The following PAPOLA variants were observed in gnomAD, a reference collection of about 807,000 sequenced individuals.
PAPOLA encodes poly(A) polymerase alpha.
PAPOLA carries 15 observed loss-of-function variants against 100.6 expected under a neutral mutation model. That is an observed-to-expected ratio of 0.15 (90% CI 0.10 to 0.23). The LOEUF is 0.23. PAPOLA is among the 10% of genes least tolerant of loss of function. The pLI is 1.00. For missense variants in PAPOLA, 533 were observed against 884.2 expected (o/e 0.60, Z 5.04); for synonymous variants, 293 against 300.0 (o/e 0.98, Z 0.24).
intron 15 of PAPOLA, among the ~76,000 whole-genome samples, chr14:96,546,889 G>A (rs147672174): frequency 3.3e-5 from 5 of 151,976 alleles, no homozygotes; most frequent in African/African-American, 4.8e-5. Flanking sequence ...GCTGCTTAGG[G>A]CATTTTGTTC....
chr14:96,529,346 A>G (rs1898784262), intron 6 of PAPOLA, among the ~76,000 whole-genome samples: 1 of 151,844 alleles, frequency 6.6e-6, no homozygotes, highest in Non-Finnish European at 1.5e-5. Context: ...ACAAGTACTT[A>G]TTTGTGTAAC....
At chr14:96,519,042 G>A (rs184754539) in intron 1 of PAPOLA, among the ~76,000 whole-genome samples, 1 of 152,182 alleles carries the variant, frequency 6.6e-6, no homozygotes, top group East Asian at 1.9e-4. Flanking sequence ...GGGTGACAGA[G>A]CGAGACTCCA....
chr14:96,556,207 A>G lies in PAPOLA; in HGVS notation c.1798A>G (p.Thr600Ala), dbSNP rs779299294. The G allele has an allele frequency of 5.0e-6, 8 of 1,614,174 alleles. No homozygotes were observed. The South Asian group carries it at 6.6e-5, about 13-fold the overall frequency. ...GAGTGAAAGCATTCCTCAAACTGCC[A>G]CACAACCAGCCATTTCTCCACCACC... Reference protein sequence around the residue: ...TSSESIPQTATQPAISPPPKP... With the variant: ...TSSESIPQTAAQPAISPPPKP... Residue 600 changes from threonine (T) to alanine (A), a missense_variant, in exon 19 of 22, where the codon ACA becomes GCA. Physicochemically the swap from Thr to Ala is moderately conservative, Grantham distance 58. Coordinates refer to ENST00000216277, the MANE Select transcript of PAPOLA (RefSeq NM_032632.5).
At chr14:96,504,033 A>G (rs938930325) in intron 1 of PAPOLA, among the ~76,000 whole-genome samples, 3 of 152,194 alleles carry the variant, frequency 2.0e-5, no homozygotes, top group Non-Finnish European at 2.9e-5. Flanking sequence ...GTTTCTGTTT[A>G]TTGATTTTTC....
At chr14:96,517,004 A>G (rs908579704) in intron 1 of PAPOLA, among the ~76,000 whole-genome samples, 4 of 152,168 alleles carry the variant, frequency 2.6e-5, no homozygotes, top group Admixed American at 6.5e-5. Context: ...TAATGATCCA[A>G]ACTGAACTGG....
At chr14:96,533,044 C>G (rs202062242) in intron 9 of PAPOLA, 1 of 967,662 alleles carries the variant, frequency 1.0e-6, no homozygotes, top group Non-Finnish European at 1.2e-6. Flanking sequence ...TTTTTTTTTT[C>G]TTTTTGCTTT....
At chr14:96,525,522 A>C in intron 4 of PAPOLA, 131 bp downstream of exon 4, 1 of 501,930 alleles carries the variant, frequency 2.0e-6, no homozygotes. Context: ...AGGAGTCTAA[A>C]TTTTTCAGTA....
chr14:96,559,594 TATAC>T (rs1566868295), intron 19 of PAPOLA, among the ~76,000 whole-genome samples: 1 of 147,774 alleles, frequency 6.8e-6, no homozygotes, highest in Non-Finnish European at 1.5e-5. Flanking sequence ...TATATATATA[TATAC>T]ACACACACAT....
chr14:96,502,394 T>C lies in PAPOLA; in HGVS notation c.-199T>C, dbSNP rs1351048633. 2.9e-6 allele frequency: 2 copies of C among 697,400 alleles called. No homozygotes were observed. Among genetic ancestry groups the C allele is most frequent in the Non-Finnish European group, 5.2e-6 (2 of 382,534 alleles). The allele number at this position is 697,400 out of a possible 1,614,324, so 43.2% of individuals were successfully genotyped here. A position where few individuals can be genotyped will look rare whatever the true frequency, so the allele number is the denominator to read the frequency against. On this transcript the variant is annotated 5_prime_UTR_variant, in exon 1 of 22. Coordinates refer to ENST00000216277, the MANE Select transcript of PAPOLA (RefSeq NM_032632.5). ...CGTCAGCAGTTCTAGAACGTTGCTGTGGTAGCGCTCGGGCGCCATGTTAGG... is the reference window on the plus strand; with the variant it reads ...CGTCAGCAGTTCTAGAACGTTGCTGCGGTAGCGCTCGGGCGCCATGTTAGG...
chr14:96,551,362 G>C (rs893008763), intron 16 of PAPOLA, among the ~76,000 whole-genome samples: 1 of 152,104 alleles, frequency 6.6e-6, no homozygotes, highest in Non-Finnish European at 1.5e-5. Flanking sequence ...GAATAGAAGA[G>C]ATACTCATTT....
At chr14:96,512,950 C>T (rs1897203324) in intron 1 of PAPOLA, among the ~76,000 whole-genome samples, 1 of 152,228 alleles carries the variant, frequency 6.6e-6, no homozygotes, top group Non-Finnish European at 1.5e-5. Context: ...ATAGACACTG[C>T]TCATTTCAAG....
At chr14:96,507,319 G>T (rs1471036957) in intron 1 of PAPOLA, among the ~76,000 whole-genome samples, 1 of 98,830 alleles carries the variant, frequency 1.0e-5, no homozygotes, top group Non-Finnish European at 1.8e-5. Context: ...ACGGAGTCTC[G>T]TTCTGTCGCC....
chr14:96,551,425 C>T (rs1900839359), intron 16 of PAPOLA, among the ~76,000 whole-genome samples: 1 of 152,168 alleles, frequency 6.6e-6, no homozygotes, highest in African/African-American at 2.4e-5. Context: ...AATGGCATTA[C>T]TCTCTCTTCC....
chr14:96,520,268 T>C (rs1897838841), intron 2 of PAPOLA, 40 bp downstream of exon 2: 11 of 1,510,988 alleles, frequency 7.3e-6, no homozygotes, highest in Non-Finnish European at 1.0e-5. Flanking sequence ...CGGAAACTTT[T>C]ATTAATGTTG....
chr14:96,528,146 T>G, intron 6 of PAPOLA, 140 bp downstream of exon 6: 2 of 595,720 alleles, frequency 3.4e-6, no homozygotes, highest in Non-Finnish European at 6.2e-6. Context: ...TAAATGGAAG[T>G]GACTGCCTAT....
At chr14:96,540,610 T>C (rs1003018418) in intron 12 of PAPOLA, among the ~76,000 whole-genome samples, 2 of 152,220 alleles carry the variant, frequency 1.3e-5, no homozygotes, top group Admixed American at 6.5e-5. Context: ...CTGTGCTTGC[T>C]CATGTATTTG....
intron 1 of PAPOLA, among the ~76,000 whole-genome samples, chr14:96,516,906 G>T (rs762263514): frequency 6.6e-6 from 1 of 151,948 alleles, no homozygotes; most frequent in Non-Finnish European, 1.5e-5. Context: ...TCCAAGCATT[G>T]TTTATTGTGA....
intron 9 of PAPOLA, chr14:96,534,269 TG>T (rs758916324): frequency 1.2e-5 from 16 of 1,347,750 alleles, no homozygotes; most frequent in Non-Finnish European, 1.5e-5. Context: ...AGAACGTTTT[TG>T]GTTTCAGTCT....
chr14:96,547,522 G>T (rs1384137947), intron 15 of PAPOLA, among the ~76,000 whole-genome samples: 3 of 152,106 alleles, frequency 2.0e-5, no homozygotes, highest in African/African-American at 7.2e-5. Context: ...ATTTCTTAAA[G>T]AGTTACTCTT....
Sources: gnomAD v4.1 joint callset for allele counts (sites outside exome capture counted in the v4.1 genomes callset) on GRCh38, gnomAD v4.1.1 for gene constraint, MANE v1.5 for transcripts, NCBI Gene and HGNC (gene_info 2026-07-23, HGNC 2026-07-21) for gene names.